Variants in DOCK10 observed in about 807,000 individuals in gnomAD.
DOCK10 encodes the protein dedicator of cytokinesis protein 10.
A neutral mutation model predicts 280.1 loss-of-function variants in DOCK10; 145 were observed. That is an observed-to-expected ratio of 0.52 (90% CI 0.45 to 0.59). The LOEUF (loss-of-function observed/expected upper bound fraction) is 0.59, where lower values mean the gene tolerates loss of function less well. Among genes scored for constraint, DOCK10 ranks in the 20% least tolerant of loss-of-function variants. DOCK10 has a pLI of 0.00. For missense variants in DOCK10, 2,368 were observed against 2,651.7 expected (o/e 0.89, Z 2.35); for synonymous variants, 915 against 942.2 (o/e 0.97, Z 0.53).
chr2:224,861,051 T>C (rs1284069979), intron 14 of DOCK10: 2 of 152,224 alleles, frequency 1.3e-5, no homozygotes, highest in African/African-American at 2.4e-5. Flanking sequence ...GTAGGTTTTC[T>C]GGAGGGAACT....
Position 224,765,855 on chromosome 2 carries a change from C to A in DOCK10, c.6445-18G>T, listed in dbSNP as rs1056138544. 1 of 1,586,268 alleles carries A rather than the reference C, an allele frequency of 6.3e-7. No individual in the cohort carries two copies. Among genetic ancestry groups the A allele is most frequent in the Admixed American group, 1.7e-5 (1 of 59,354 alleles). On this transcript the variant is annotated intron_variant, in intron 55 of 55. Transcript: ENST00000258390. Reference sequence around the variant, plus strand: ...CCCGTAATCTTAAAACAGGGAAAAACACAACACAACAGAATGCAGAGGTTA... The same window carrying A: ...CCCGTAATCTTAAAACAGGGAAAAAAACAACACAACAGAATGCAGAGGTTA...
At chr2:224,820,367 G>A (rs927523349) in intron 28 of DOCK10, among the ~76,000 whole-genome samples, 3 of 152,222 alleles carry the variant, frequency 2.0e-5, no homozygotes, top group Non-Finnish European at 4.4e-5. Flanking sequence ...GGCAAAGTGT[G>A]GAGCAGGAGG....
At chr2:224,932,080 T>G (rs140296876) in intron 1 of DOCK10, among the ~76,000 whole-genome samples, 1 of 152,280 alleles carries the variant, frequency 6.6e-6, no homozygotes, top group Non-Finnish European at 1.5e-5. Flanking sequence ...TTCTGTTGGG[T>G]CTATTTAAAA....
chr2:224,844,846 A>G lies in DOCK10; in HGVS notation c.2482-7T>C. On this transcript the variant is annotated splice_region_variant and splice_polypyrimidine_tract_variant and intron_variant, in intron 21 of 55. Coordinates refer to ENST00000258390, the MANE Select transcript of DOCK10 (RefSeq NM_014689.3). ...TAATGTCACTCCCACCATGCTGCAA[A>G]ATAAAGTTTGTTTACTGTCACTGGG... is the stretch of plus-strand genomic sequence containing the variant. The G allele has an allele frequency of 6.2e-7, 1 of 1,600,004 alleles. No individual in the cohort carries two copies. The highest frequency in any genetic ancestry group is 8.5e-7 in the Non-Finnish European group (1 of 1,171,308).
chr2:224,780,966 G>A (rs2125038624), intron 50 of DOCK10, among the ~76,000 whole-genome samples: 1 of 152,206 alleles, frequency 6.6e-6, no homozygotes, highest in South Asian at 2.1e-4. Context: ...TCCTCCTTGG[G>A]CTGTGGGATG....
At chr2:224,962,335 T>C (rs891834271) in intron 1 of DOCK10, among the ~76,000 whole-genome samples, 1 of 152,194 alleles carries the variant, frequency 6.6e-6, no homozygotes, top group Non-Finnish European at 1.5e-5. Flanking sequence ...GAGTGAGGCA[T>C]GAACAAATTT....
At chr2:224,769,354 G>C (rs1690266956) in intron 55 of DOCK10, among the ~76,000 whole-genome samples, 1 of 152,256 alleles carries the variant, frequency 6.6e-6, no homozygotes, top group Non-Finnish European at 1.5e-5. Context: ...TGGTTTGTGA[G>C]TCGTATTAAC....
chr2:224,907,900 G>A (rs1027729296), intron 3 of DOCK10, among the ~76,000 whole-genome samples: 2 of 152,116 alleles, frequency 1.3e-5, no homozygotes, highest in East Asian at 3.9e-4. Flanking sequence ...ATTTACATTA[G>A]CATTTCTCAA....
At chr2:224,940,754 C>T (rs977443574) in intron 1 of DOCK10, among the ~76,000 whole-genome samples, 13 of 152,154 alleles carry the variant, frequency 8.5e-5, no homozygotes, top group Non-Finnish European at 1.6e-4. Flanking sequence ...CCTTCAGTGA[C>T]GATAGTCACA....
chr2:224,898,184 C>G (rs1034581962), intron 3 of DOCK10, among the ~76,000 whole-genome samples: 2 of 152,130 alleles, frequency 1.3e-5, no homozygotes, highest in African/African-American at 4.8e-5. Flanking sequence ...AACACATGTT[C>G]CAGGCAAGAG....
chr2:224,777,377 C>T (rs1015622366), intron 51 of DOCK10, among the ~76,000 whole-genome samples: 4 of 152,208 alleles, frequency 2.6e-5, no homozygotes, highest in Non-Finnish European at 5.9e-5. Flanking sequence ...TGCCCTCAAT[C>T]TGGGTTGGCA....
At chr2:225,002,804 C>T (rs1224196326) in intron 1 of DOCK10, among the ~76,000 whole-genome samples, 2 of 151,330 alleles carry the variant, frequency 1.3e-5, no homozygotes, top group African/African-American at 4.9e-5. Flanking sequence ...TGTGGTCTGT[C>T]TTGCATGATC....
intron 1 of DOCK10, among the ~76,000 whole-genome samples, chr2:224,941,615 G>A (rs1703084884): frequency 6.6e-6 from 1 of 152,076 alleles, no homozygotes; most frequent in African/African-American, 2.4e-5. Context: ...AGGCCAAGGT[G>A]GGTGGATCAC....
chr2:224,868,959 T>C (rs193052776), intron 11 of DOCK10, among the ~76,000 whole-genome samples: 261 of 152,308 alleles, frequency 1.7e-3, no homozygotes, highest in African/African-American at 4.4e-3. Flanking sequence ...TGGAAATAAA[T>C]ACCTACTTTG....
chr2:224,929,698 G>A (rs1702221033), intron 2 of DOCK10, among the ~76,000 whole-genome samples: 2 of 152,178 alleles, frequency 1.3e-5, no homozygotes, highest in Admixed American at 1.3e-4. Flanking sequence ...ACGCTGCCAA[G>A]AATGATAAAG....
At chr2:224,856,493 C>T (rs1379741756) in intron 15 of DOCK10, among the ~76,000 whole-genome samples, 1 of 152,128 alleles carries the variant, frequency 6.6e-6, no homozygotes, top group African/African-American at 2.4e-5. Flanking sequence ...TCCTCTGACC[C>T]CAGCTGATCT....
Position 224,801,869 on chromosome 2 carries a change from G to A in DOCK10, c.4393+47C>T, listed in dbSNP as rs780174349. ...GCATTTCATGTCCTACACATACCTA[G>A]AGAAAAACTGGTAACCATCTTGTTC... On this transcript the variant is annotated intron_variant, in intron 40 of 55. Coordinates refer to ENST00000258390, the MANE Select transcript of DOCK10 (RefSeq NM_014689.3). 102 of 1,596,744 alleles carry A rather than the reference G, an allele frequency of 6.4e-5. 1 individual carries two copies. The South Asian group carries it at 1.0e-3, about 16-fold the overall frequency.
chr2:224,841,042 T>C (rs974412190), intron 23 of DOCK10, among the ~76,000 whole-genome samples: 1 of 152,136 alleles, frequency 6.6e-6, no homozygotes, highest in African/African-American at 2.4e-5. Context: ...CTCATTTATA[T>C]GTGGGATCTA....
chr2:224,913,951 A>T (rs942502446), intron 3 of DOCK10, among the ~76,000 whole-genome samples: 3 of 151,872 alleles, frequency 2.0e-5, no homozygotes, highest in Non-Finnish European at 4.4e-5. Context: ...TGTTAGCCAG[A>T]TGGTCTCGAT....
Sources: allele counts gnomAD v4.1 joint callset (sites outside exome capture counted in the v4.1 genomes callset), GRCh38; gene constraint gnomAD v4.1.1; transcripts MANE v1.5; gene names NCBI Gene and HGNC (gene_info 2026-07-23, HGNC 2026-07-21).